Variants in GRIA4 observed in about 807,000 individuals in gnomAD.
GRIA4 encodes the protein glutamate ionotropic receptor AMPA type subunit 4, also known as glutamate receptor 4.
In GRIA4, 34 loss-of-function variants were observed where a neutral mutation model predicts 104.0. The observed-to-expected ratio is 0.33, with a 90% CI of 0.25 to 0.44. The LOEUF (loss-of-function observed/expected upper bound fraction) is 0.44. GRIA4 is among the 20% of genes least tolerant of loss of function. GRIA4 has a pLI of 1.00. For synonymous variants in GRIA4, 386 were observed against 381.9 expected, an observed-to-expected ratio of 1.01 and a Z score of -0.13; for missense variants, 750 against 1,096.5, an observed-to-expected ratio of 0.68 and a Z score of 4.46.
rs147126478 is a variant in GRIA4 at position 105,754,842 on chromosome 11, G to C, written c.487+1622G>C. Reference sequence around the variant, plus strand: ...TCACATTACTGCTACGGAAGCTTGTGGTATTATTTTAGAGGTTCCTAAATA... The same window carrying C: ...TCACATTACTGCTACGGAAGCTTGTCGTATTATTTTAGAGGTTCCTAAATA... On this transcript the variant is annotated intron_variant, in intron 4 of 16. Coordinates refer to ENST00000282499, the MANE Select transcript of GRIA4 (RefSeq NM_000829.4). Among the ~76,000 whole-genome samples, 327 of 152,154 alleles carry C rather than the reference G, an allele frequency of 2.1e-3. 2 individuals carry two copies. Among genetic ancestry groups the C allele is most frequent in the African/African-American group, 7.4e-3 (308 of 41,516 alleles).
chr11:105,790,689 C>G (rs1942177453), intron 4 of GRIA4, among the ~76,000 whole-genome samples: 1 of 152,112 alleles, frequency 6.6e-6, no homozygotes, highest in Non-Finnish European at 1.5e-5. Context: ...TAATGGAAGT[C>G]TTAGCACAGG....
At chr11:105,927,396 C>G (rs1377842563) in intron 13 of GRIA4, among the ~76,000 whole-genome samples, 1 of 152,074 alleles carries the variant, frequency 6.6e-6, no homozygotes, top group African/African-American at 2.4e-5. Flanking sequence ...TATTCTATAA[C>G]CTATTCTGTA....
chr11:105,958,041 ATCATG>A (rs1001363954), intron 14 of GRIA4, among the ~76,000 whole-genome samples: 1 of 152,174 alleles, frequency 6.6e-6, no homozygotes, highest in Non-Finnish European at 1.5e-5. Flanking sequence ...TAAATATACA[ATCATG>A]TCATCTGCAA....
rs1043966053 is a variant in GRIA4, at chr11:105,786,760, C to T, written c.487+33540C>T. Reference sequence around the variant, plus strand: ...TGCTATTACTCTGCAGGAGAAGCTCCGTTAGAATCTTTAATTTACAAAACA... The same window carrying T: ...TGCTATTACTCTGCAGGAGAAGCTCTGTTAGAATCTTTAATTTACAAAACA... On this transcript the variant is annotated intron_variant, in intron 4 of 16. Transcript: ENST00000282499. Among the ~76,000 whole-genome samples, 4 of 152,224 alleles carry T rather than the reference C, an allele frequency of 2.6e-5. No homozygotes were observed. In the East Asian group the frequency reaches 5.8e-4, roughly 22 times the overall value.
intron 3 of GRIA4, among the ~76,000 whole-genome samples, chr11:105,691,174 CTT>C (rs1953070748): frequency 6.6e-6 from 1 of 152,052 alleles, no homozygotes; most frequent in Non-Finnish European, 1.5e-5. Flanking sequence ...ATATAAATAA[CTT>C]TTCCTGAGTG....
intron 5 of GRIA4, among the ~76,000 whole-genome samples, chr11:105,866,551 G>GTGTATGTATATATATATATA (rs1299256765): frequency 1.3e-5 from 1 of 76,752 alleles, no homozygotes; most frequent in African/African-American, 6.5e-5. Context: ...GTGTGTGTGT[G>GTGTATGTATATATATATATA]TATATATATA....
chr11:105,800,675 ATCT>A (rs1565246359), intron 4 of GRIA4, among the ~76,000 whole-genome samples: 1 of 152,076 alleles, frequency 6.6e-6, no homozygotes, highest in Non-Finnish European at 1.5e-5. Flanking sequence ...TTCCTAAATC[ATCT>A]TCTTCATTTA....
chr11:105,632,357 C>T lies in GRIA4; in HGVS notation c.247+19923C>T, dbSNP rs1377129249. 2.0e-5 allele frequency among the ~76,000 whole-genome samples: 3 copies of T among 152,122 alleles called. No homozygotes were observed. In the East Asian group the frequency reaches 5.8e-4, roughly 29 times the overall value. On this transcript the variant is annotated intron_variant, in intron 3 of 16. Coordinates refer to ENST00000282499, the MANE Select transcript of GRIA4 (RefSeq NM_000829.4). Reference sequence around the variant, plus strand: ...TATGTCTGTTTACACTTCCACTTTCCCAGTTTCAAAGACCATAGCACTGCT... The same window carrying T: ...TATGTCTGTTTACACTTCCACTTTCTCAGTTTCAAAGACCATAGCACTGCT...
intron 4 of GRIA4, among the ~76,000 whole-genome samples, chr11:105,849,466 G>A (rs1170587712): frequency 6.6e-6 from 1 of 152,108 alleles, no homozygotes; most frequent in East Asian, 1.9e-4. Context: ...TACAGATCTG[G>A]AATATATACA....
At chr11:105,739,299 C>T (rs1006447651) in intron 3 of GRIA4, among the ~76,000 whole-genome samples, 3 of 152,106 alleles carry the variant, frequency 2.0e-5, no homozygotes, top group Non-Finnish European at 2.9e-5. Flanking sequence ...TTACTGAGCT[C>T]TCAATTAGTT....
chr11:105,783,281 A>G (rs541320543), intron 4 of GRIA4, among the ~76,000 whole-genome samples: 1 of 152,326 alleles, frequency 6.6e-6, no homozygotes, highest in Non-Finnish European at 1.5e-5. Context: ...AACTAATCTA[A>G]TAGGAACAAT....
intron 4 of GRIA4, among the ~76,000 whole-genome samples, chr11:105,796,122 C>T (rs1565242747): frequency 6.6e-6 from 1 of 152,118 alleles, no homozygotes; most frequent in Admixed American, 6.6e-5. Context: ...ATTTTATCTT[C>T]AGCCAAACCC....
At chr11:105,932,258 C>A (rs1297943010) in intron 13 of GRIA4, among the ~76,000 whole-genome samples, 3 of 152,068 alleles carry the variant, frequency 2.0e-5, no homozygotes, top group Admixed American at 6.6e-5. Context: ...CATGCCTCAG[C>A]CCCCTTAGTA....
chr11:105,655,564 C>A (rs1291303361), intron 3 of GRIA4, among the ~76,000 whole-genome samples: 1 of 152,028 alleles, frequency 6.6e-6, no homozygotes, highest in Non-Finnish European at 1.5e-5. Flanking sequence ...GTTCAACTCC[C>A]ACTTATGACT....
chr11:105,924,058 A>G (rs1947640793), intron 11 of GRIA4, among the ~76,000 whole-genome samples: 1 of 152,172 alleles, frequency 6.6e-6, no homozygotes, highest in Non-Finnish European at 1.5e-5. Context: ...ATTCAGCCAT[A>G]TGGAAAGACT....
intron 3 of GRIA4, among the ~76,000 whole-genome samples, chr11:105,744,243 T>C (rs1156692576): frequency 6.6e-6 from 1 of 152,162 alleles, no homozygotes; most frequent in Non-Finnish European, 1.5e-5. Flanking sequence ...CTTTGAAGTG[T>C]TTAACACAGT....
chr11:105,771,404 C>T (rs1165199420), intron 4 of GRIA4, among the ~76,000 whole-genome samples: 1 of 152,054 alleles, frequency 6.6e-6, no homozygotes, highest in Non-Finnish European at 1.5e-5. Context: ...CTCAACTCTG[C>T]TCTGTCAACA....
At chr11:105,720,214 C>T (rs567413807) in intron 3 of GRIA4, among the ~76,000 whole-genome samples, 15 of 150,452 alleles carry the variant, frequency 1.0e-4, no homozygotes, top group Middle Eastern at 3.5e-3. Context: ...TTTTTTCTGG[C>T]TTTTCCCAGA....
intron 6 of GRIA4, among the ~76,000 whole-genome samples, chr11:105,888,745 C>G (rs2136103752): frequency 6.6e-6 from 1 of 152,086 alleles, no homozygotes; most frequent in Admixed American, 6.5e-5. Flanking sequence ...CTTTAGTGAA[C>G]TGGGTTTGGT....
Sources: gnomAD v4.1 joint callset for allele counts (sites outside exome capture counted in the v4.1 genomes callset) on GRCh38, gnomAD v4.1.1 for gene constraint, MANE v1.5 for transcripts, NCBI Gene and HGNC (gene_info 2026-07-23, HGNC 2026-07-21) for gene names.